Variants in SHROOM3 observed in about 807,000 individuals in gnomAD.
SHROOM3 encodes protein Shroom3.
A neutral mutation model predicts 138.6 loss-of-function variants in SHROOM3; 47 were observed. The ratio of observed to expected loss-of-function variants is 0.34; its 90% CI spans 0.27 to 0.43. The LOEUF (loss-of-function observed/expected upper bound fraction) is 0.43. SHROOM3 is among the 20% of genes least tolerant of loss of function. The probability of loss-of-function intolerance (pLI) is 1.00; values close to 1 mark genes in which losing one functional copy is unlikely to be tolerated. For synonymous variants in SHROOM3, 1,062 were observed against 1,063.3 expected (o/e 1.00, Z 0.02); for missense variants, 2,491 against 2,596.5 (o/e 0.96, Z 0.88).
chr4:76,692,941 C>T (rs989704153), intron 2 of SHROOM3, among the ~76,000 whole-genome samples: 21 of 152,190 alleles, frequency 1.4e-4, no homozygotes, highest in Admixed American at 9.8e-4. Flanking sequence ...ATTATCCACA[C>T]CCATCGAACT....
rs545047102 is a variant in SHROOM3 at position 76,503,574 on chromosome 4, G to A, written c.169-52035G>A. Among the ~76,000 whole-genome samples, 11 of 152,074 alleles carry A rather than the reference G, an allele frequency of 7.2e-5. No homozygotes were observed. The East Asian group carries it at 1.6e-3, about 21-fold the overall frequency. ...CTCCCAGGTAGCTGGGATTACAGAC[G>A]TGGACCACCACGCCCAGCTAATTTT... On this transcript the variant is annotated intron_variant, in intron 1 of 10. Coordinates refer to ENST00000296043, the MANE Select transcript of SHROOM3 (RefSeq NM_020859.4).
At chr4:76,547,025 C>G (rs1431601654) in intron 1 of SHROOM3, among the ~76,000 whole-genome samples, 1 of 152,188 alleles carries the variant, frequency 6.6e-6, no homozygotes, top group African/African-American at 2.4e-5. Context: ...GGTCAGCTTC[C>G]TGCTCCACCG....
chr4:76,692,204 G>C (rs1413461028), intron 2 of SHROOM3, among the ~76,000 whole-genome samples: 1 of 152,194 alleles, frequency 6.6e-6, no homozygotes, highest in African/African-American at 2.4e-5. Context: ...CCATTTCACA[G>C]CCTTCAGCTT....
At chr4:76,606,731 C>CATAT (rs1257750653) in intron 2 of SHROOM3, among the ~76,000 whole-genome samples, 1 of 151,992 alleles carries the variant, frequency 6.6e-6, no homozygotes, top group Non-Finnish European at 1.5e-5. Flanking sequence ...TACATACATA[C>CATAT]GTACATAAAT....
intron 3 of SHROOM3, among the ~76,000 whole-genome samples, chr4:76,725,779 T>C (rs1045518846): frequency 3.3e-5 from 5 of 152,194 alleles, no homozygotes; most frequent in Admixed American, 6.5e-5. Flanking sequence ...TCCTCCTCCA[T>C]AAGCTCATAC....
intron 2 of SHROOM3, among the ~76,000 whole-genome samples, chr4:76,624,562 A>C (rs1336567684): frequency 2.6e-5 from 4 of 152,098 alleles, no homozygotes; most frequent in African/African-American, 9.7e-5. Flanking sequence ...GGGCATGAGA[A>C]TTCCCAGCAG....
chr4:76,597,763 GAT>G (rs1297184279), intron 2 of SHROOM3, among the ~76,000 whole-genome samples: 11 of 152,174 alleles, frequency 7.2e-5, no homozygotes, highest in Non-Finnish European at 1.3e-4. Context: ...TCTGAGTAGG[GAT>G]TATGTAACTT....
At chr4:76,559,978 T>C (rs1733566359) in intron 2 of SHROOM3, among the ~76,000 whole-genome samples, 1 of 152,036 alleles carries the variant, frequency 6.6e-6, no homozygotes, top group Admixed American at 6.6e-5. Flanking sequence ...AGTGGATAAA[T>C]GGAGAAGAAA....
chr4:76,520,725 A>T (rs1732545969), intron 1 of SHROOM3, among the ~76,000 whole-genome samples: 1 of 152,218 alleles, frequency 6.6e-6, no homozygotes, highest in South Asian at 2.1e-4. Context: ...TCTGCCTGCC[A>T]TGAACTATTA....
Position 76,456,026 on chromosome 4 carries a change from G to T in SHROOM3, c.168+19806G>T, listed in dbSNP as rs577630281. On this transcript the variant is annotated intron_variant, in intron 1 of 10. Coordinates refer to ENST00000296043, the MANE Select transcript of SHROOM3 (RefSeq NM_020859.4). ...TACTTTTTATTTTTTAATTTTTTTT[G>T]AGACAGAGTCTCACTCTGTCAGCAG... is the stretch of plus-strand genomic sequence containing the variant. Among the ~76,000 whole-genome samples, 4 of 151,128 alleles carry T rather than the reference G, an allele frequency of 2.6e-5. No individual in the cohort carries two copies. In the South Asian group the frequency reaches 6.3e-4, roughly 24 times the overall value.
chr4:76,532,307 A>G (rs905389236), intron 1 of SHROOM3: 1 of 152,272 alleles, frequency 6.6e-6, no homozygotes, highest in African/African-American at 2.4e-5. Context: ...ATTTTAGTAT[A>G]TGTGCTGCTG....
chr4:76,637,295 ACT>A (rs1489619817), intron 2 of SHROOM3, among the ~76,000 whole-genome samples: 1 of 152,042 alleles, frequency 6.6e-6, no homozygotes, highest in Non-Finnish European at 1.5e-5. Context: ...TTGAACCAAA[ACT>A]CTTGCAGATG....
At chr4:76,536,573 C>A (rs1453072471) in intron 1 of SHROOM3, among the ~76,000 whole-genome samples, 2 of 152,158 alleles carry the variant, frequency 1.3e-5, no homozygotes, top group Non-Finnish European at 2.9e-5. Context: ...AAGATCATAA[C>A]TTTAATCCCT....
intron 5 of SHROOM3, among the ~76,000 whole-genome samples, chr4:76,745,493 T>C (rs1721405476): frequency 6.6e-6 from 1 of 152,220 alleles, no homozygotes; most frequent in Admixed American, 6.5e-5. Flanking sequence ...GCTCAATGCA[T>C]GGAACCACAG....
Position 76,608,612 on chromosome 4 carries a change from TTGG to T in SHROOM3, c.323+52850_323+52852del, listed in dbSNP as rs1560563217. The stretch of plus-strand genomic sequence containing the variant: ...TAGCATAGCATAGCATAGCATAGCA[TTGG>T]ACAGAGATGGTATAGCATAGCATAG... On this transcript the variant is annotated intron_variant, in intron 2 of 10. Transcript: ENST00000296043. Among the ~76,000 whole-genome samples, 106 of 84,256 alleles carry T rather than the reference TTGG, an allele frequency of 1.3e-3. 4 individuals are homozygous for T. Among genetic ancestry groups the T allele is most frequent in the Middle Eastern group, 5.1e-3 (1 of 198 alleles). 55.3% of individuals were successfully genotyped at this position (84,256 alleles called of 152,430 possible). A position where few individuals can be genotyped will look rare whatever the true frequency, so the allele number is the denominator to read the frequency against.
intron 1 of SHROOM3, among the ~76,000 whole-genome samples, chr4:76,488,848 G>A (rs1374304357): frequency 8.3e-6 from 1 of 120,318 alleles, no homozygotes. Context: ...AATCCTATGA[G>A]GTCAAAACTT....
intron 1 of SHROOM3, among the ~76,000 whole-genome samples, chr4:76,488,738 G>A (rs192539002): frequency 6.6e-6 from 1 of 152,322 alleles, no homozygotes; most frequent in East Asian, 1.9e-4. Context: ...CAGGAAAAAA[G>A]TATTAGTAAT....
chr4:76,563,512 C>T (rs550927245), intron 2 of SHROOM3, among the ~76,000 whole-genome samples: 2 of 152,276 alleles, frequency 1.3e-5, no homozygotes, highest in Non-Finnish European at 2.9e-5. Context: ...GGAAGGGGCT[C>T]TCTACGCAAG....
chr4:76,769,211 GGTGTGCATGT>G (rs550545625), intron 9 of SHROOM3, among the ~76,000 whole-genome samples: 16 of 151,062 alleles, frequency 1.1e-4, no homozygotes, highest in South Asian at 2.1e-4. Flanking sequence ...GCCAGTTTGG[GGTGTGCATGT>G]GTGTGCATGT....
Sources: allele counts gnomAD v4.1 joint callset (sites outside exome capture counted in the v4.1 genomes callset), GRCh38; gene constraint gnomAD v4.1.1; transcripts MANE v1.5; gene names NCBI Gene and HGNC (gene_info 2026-07-23, HGNC 2026-07-21).